Variants in FRMD7 observed in about 807,000 individuals in gnomAD.
FRMD7 encodes the protein FERM domain-containing protein 7.
In FRMD7, 14 loss-of-function variants were observed where a neutral mutation model predicts 44.1. The ratio of observed to expected loss-of-function variants is 0.32; its 90% CI spans 0.21 to 0.50. The LOEUF is 0.50. Among genes scored for constraint, FRMD7 ranks in the 20% least tolerant of loss-of-function variants. The pLI, the probability that FRMD7 is intolerant of heterozygous loss-of-function variation, is 0.99. For synonymous variants in FRMD7, 212 were observed against 187.4 expected (o/e 1.13, Z -1.07); for missense variants, 501 against 522.3 (o/e 0.96, Z 0.40).
chrX:132,104,060 T>C (rs1471067286), intron 1 of FRMD7, among the ~76,000 whole-genome samples: 1 of 111,814 alleles, frequency 8.9e-6, no homozygotes, highest in African/African-American at 3.3e-5. Flanking sequence ...ATAAAGATAA[T>C]AGTGATATTA....
chrX:132,121,205 C>T (rs1003469074), intron 1 of FRMD7, among the ~76,000 whole-genome samples: 4 of 111,481 alleles, frequency 3.6e-5, no homozygotes, highest in Admixed American at 9.5e-5. Flanking sequence ...ACAGAAATCA[C>T]GCTTGAGTCA....
At chrX:132,105,985 G>A (rs931103308) in intron 1 of FRMD7, among the ~76,000 whole-genome samples, 1 of 111,700 alleles carries the variant, frequency 9.0e-6, no homozygotes, top group Non-Finnish European at 1.9e-5. Flanking sequence ...AAAAACAATC[G>A]CAACAAAAGC....
chrX:132,100,705 G>A lies in FRMD7; in HGVS notation c.69C>T (p.Ser23=), dbSNP rs5930546. 0.098 allele frequency: 117,629 copies of A among 1,194,992 alleles called. 4,326 individuals are homozygous for A. The highest frequency in any genetic ancestry group is 0.11 in the Non-Finnish European group (95,113 of 881,972). ...QKIFVVDQKS[S]GKALFNLSCS... ...AACTCAGGTTAAACAATGCCTTCCC[G>A]GATGACTTTTGCTAAACAAAACAAA... The change falls in exon 2 of 12, where the codon TCC becomes TCT. Residue 23 remains serine (S), a synonymous_variant. Transcript: ENST00000298542.
chrX:132,080,620 C>A (rs1210289618), intron 9 of FRMD7, among the ~76,000 whole-genome samples: 1 of 111,043 alleles, frequency 9.0e-6, no homozygotes, highest in African/African-American at 3.3e-5. Context: ...TTGAGACCAG[C>A]CTGGGCAACA....
At chrX:132,118,090 A>G (rs935800166) in intron 1 of FRMD7, among the ~76,000 whole-genome samples, 1 of 110,573 alleles carries the variant, frequency 9.0e-6, no homozygotes, top group African/African-American at 3.4e-5. Context: ...TGCTTGGTAA[A>G]GTAGTGAAAG....
intron 1 of FRMD7, among the ~76,000 whole-genome samples, chrX:132,125,490 C>T (rs766679252): frequency 1.5e-4 from 17 of 111,734 alleles, no homozygotes; most frequent in Admixed American, 3.8e-4. Flanking sequence ...TGGCCTTCCT[C>T]AGCTATCAAT....
intron 1 of FRMD7, among the ~76,000 whole-genome samples, chrX:132,102,910 A>G (rs1407445811): frequency 8.9e-6 from 1 of 112,193 alleles, no homozygotes; most frequent in African/African-American, 3.2e-5. Flanking sequence ...CATTCTTTTA[A>G]GGTTTCTAAT....
chrX:132,105,130 A>G (rs757917712), intron 1 of FRMD7, among the ~76,000 whole-genome samples: 1 of 111,999 alleles, frequency 8.9e-6, no homozygotes, highest in African/African-American at 3.2e-5. Flanking sequence ...CACATTAAAT[A>G]AACCAAGACT....
At chrX:132,088,253 T>C (rs1261980136) in intron 5 of FRMD7, among the ~76,000 whole-genome samples, 1 of 112,424 alleles carries the variant, frequency 8.9e-6, no homozygotes, top group Non-Finnish European at 1.9e-5. Flanking sequence ...TGATCCTGCA[T>C]GTAGAAAATC....
At chrX:132,118,410 A>G (rs1159173292) in intron 1 of FRMD7, among the ~76,000 whole-genome samples, 1 of 109,838 alleles carries the variant, frequency 9.1e-6, no homozygotes, top group African/African-American at 3.3e-5. Flanking sequence ...TTATTGGGCA[A>G]AAAAGGGAAA....
At chrX:132,100,849 C>G (rs1017964003) in intron 1 of FRMD7, 133 bp from the exon 2 acceptor site, 1 of 505,961 alleles carries the variant, frequency 2.0e-6, no homozygotes, top group African/African-American at 2.3e-5. Context: ...GACCTGCATC[C>G]TTTTCAAAGA....
At chrX:132,117,455 C>T (rs1212178360) in intron 1 of FRMD7, among the ~76,000 whole-genome samples, 2 of 112,115 alleles carry the variant, frequency 1.8e-5, no homozygotes, top group African/African-American at 3.2e-5. Flanking sequence ...ATGGCTAAAT[C>T]GAGGTAACGT....
intron 5 of FRMD7, among the ~76,000 whole-genome samples, chrX:132,088,563 A>AAAAAAAAGG (rs1928070479): frequency 9.1e-6 from 1 of 110,472 alleles, no homozygotes; most frequent in East Asian, 2.8e-4. Flanking sequence ...GTCTCAAAAA[A>AAAAAAAAGG]AAAAAAAGGA....
At chrX:132,092,924 C>A (rs1928222157) in intron 5 of FRMD7, among the ~76,000 whole-genome samples, 1 of 111,997 alleles carries the variant, frequency 8.9e-6, no homozygotes, top group African/African-American at 3.2e-5. Context: ...TATACTGGGT[C>A]ATTTTTCATC....
At chrX:132,110,909 G>A (rs941868529) in intron 1 of FRMD7, among the ~76,000 whole-genome samples, 4 of 112,566 alleles carry the variant, frequency 3.6e-5, no homozygotes, top group Admixed American at 9.4e-5. Flanking sequence ...CCTGGGCCAC[G>A]CACAGTGGCT....
At chrX:132,123,064 C>T (rs997227388) in intron 1 of FRMD7, among the ~76,000 whole-genome samples, 5 of 111,566 alleles carry the variant, frequency 4.5e-5, no homozygotes, top group Admixed American at 2.9e-4. Context: ...TATTGGCCTT[C>T]GTTCTTCCCT....
chrX:132,102,907 T>C (rs1438082541), intron 1 of FRMD7, among the ~76,000 whole-genome samples: 1 of 112,427 alleles, frequency 8.9e-6, no homozygotes, highest in Non-Finnish European at 1.9e-5. Flanking sequence ...AGCCATTCTT[T>C]TAAGGTTTCT....
intron 5 of FRMD7, among the ~76,000 whole-genome samples, chrX:132,090,339 A>AT (rs1236678729): frequency 8.9e-6 from 1 of 111,889 alleles, no homozygotes; most frequent in Non-Finnish European, 1.9e-5. Context: ...CAAAAAAAAA[A>AT]GTGGTAAATC....
At chrX:132,079,902 A>G (rs1169237105) in intron 11 of FRMD7, 104 bp downstream of exon 11, 3 of 620,757 alleles carry the variant, frequency 4.8e-6, no homozygotes, top group Middle Eastern at 3.2e-4. Flanking sequence ...AAACAGAGTA[A>G]CCTTTTTACA....
Sources: allele counts gnomAD v4.1 joint callset (sites outside exome capture counted in the v4.1 genomes callset), GRCh38; gene constraint gnomAD v4.1.1; transcripts MANE v1.5; gene names NCBI Gene and HGNC (gene_info 2026-07-23, HGNC 2026-07-21).